The following JADE3 variants were observed in gnomAD, a reference collection of about 807,000 sequenced individuals.
JADE3 encodes protein Jade-3.
In JADE3, 2 loss-of-function variants were observed where a neutral mutation model predicts 50.1. That is an observed-to-expected ratio of 0.04 (90% CI 0.02 to 0.13). The LOEUF (loss-of-function observed/expected upper bound fraction) is 0.13. Among genes scored for constraint, JADE3 ranks in the 10% least tolerant of loss-of-function variants. The pLI is 1.00. For synonymous variants in JADE3, 218 were observed against 232.9 expected (o/e 0.94, Z 0.58); for missense variants, 475 against 634.4 (o/e 0.75, Z 2.70).
intron 1 of JADE3, among the ~76,000 whole-genome samples, chrX:46,931,772 G>A (rs1233304063): frequency 7.1e-5 from 8 of 112,128 alleles, no homozygotes; most frequent in South Asian, 7.3e-4. Context: ...TTATGCTGAA[G>A]AAATCCATTT....
chrX:46,975,813 A>T (rs782701254), intron 1 of JADE3, among the ~76,000 whole-genome samples: 1 of 87,841 alleles, frequency 1.1e-5, no homozygotes, highest in African/African-American at 4.6e-5. Flanking sequence ...TCCGCCTCCC[A>T]GGTTCAAGCG....
intron 1 of JADE3, among the ~76,000 whole-genome samples, chrX:46,940,625 C>G (rs1556342074): frequency 9.0e-6 from 1 of 110,731 alleles, no homozygotes; most frequent in African/African-American, 3.3e-5. Context: ...AAGAGGAAAG[C>G]CCAACTCTTA....
intron 1 of JADE3, among the ~76,000 whole-genome samples, chrX:46,964,356 G>A (rs782021104): frequency 8.9e-6 from 1 of 111,785 alleles, no homozygotes; most frequent in East Asian, 2.8e-4. Context: ...AATCATAAAA[G>A]GCAATCTGCC....
In JADE3 at chrX:47,054,509, T is replaced by G; in HGVS notation, c.1324T>G (p.Phe442Val). ...CTGGAAACTGAAGCGGAAAAGTAACTTCAATAAGCCATTATTTCCTCCAAA... is the reference window on the plus strand; with the variant it reads ...CTGGAAACTGAAGCGGAAAAGTAACGTCAATAAGCCATTATTTCCTCCAAA... ...NYWKLKRKSN[F>V]NKPLFPPKED... Residue 442 changes from phenylalanine to valine, a missense_variant, in exon 9 of 11, where the codon TTC (phenylalanine) becomes GTC (valine). Phe to Val is a conservative substitution (Grantham distance 50, BLOSUM62 -1). This residue lies in a region of JADE3 where 81 missense variants were observed against 123.8 expected (regional missense o/e 0.65). Coordinates refer to ENST00000614628, the MANE Select transcript of JADE3 (RefSeq NM_014735.5). 1 of 1,210,356 alleles carries G rather than the reference T, an allele frequency of 8.3e-7. No homozygotes were observed. Among genetic ancestry groups the G allele is most frequent in the South Asian group, 1.8e-5 (1 of 56,954 alleles).
intron 1 of JADE3, among the ~76,000 whole-genome samples, chrX:46,978,659 T>C (rs1927676212): frequency 9.0e-6 from 1 of 111,562 alleles, no homozygotes; most frequent in African/African-American, 3.3e-5. Context: ...GAGCCAGAAC[T>C]GGGCCTCGCA....
chrX:46,951,546 C>T (rs1316088405), intron 1 of JADE3, among the ~76,000 whole-genome samples: 23 of 98,777 alleles, frequency 2.3e-4, no homozygotes, highest in Non-Finnish European at 4.1e-4. Context: ...GAGATTGCAC[C>T]ACTGCACTCC....
intron 4 of JADE3, among the ~76,000 whole-genome samples, chrX:47,007,843 G>A (rs1348789617): frequency 2.8e-5 from 3 of 107,450 alleles, no homozygotes; most frequent in Admixed American, 1.0e-4. Context: ...GTGTGTGTGT[G>A]TGTGTGTGTG....
chrX:46,992,810 G>C (rs947775368), intron 3 of JADE3, among the ~76,000 whole-genome samples: 2 of 111,854 alleles, frequency 1.8e-5, no homozygotes, highest in African/African-American at 6.5e-5. Context: ...TAGTGTATCA[G>C]TGAGATTCTT....
At chrX:47,048,072 G>A (rs782183995) in intron 8 of JADE3, among the ~76,000 whole-genome samples, 3 of 111,371 alleles carry the variant, frequency 2.7e-5, no homozygotes, top group Non-Finnish European at 5.7e-5. Context: ...GGTGTTCAGC[G>A]ATTTTATTGA....
chrX:46,985,767 C>T lies in JADE3; in HGVS notation c.101C>T (p.Pro34Leu). ...GSMYRIKSKIPNEHKKPAEVF... is the reference protein window; with the variant it reads ...GSMYRIKSKILNEHKKPAEVF... ...ATGTATAGGATCAAGTCAAAAATTC[C>T]AAATGAACACAAGAAACCTGCTGAG... The change falls in exon 3 of 11, where the codon CCA becomes CTA. Residue 34 changes from proline (P) to leucine (L), a missense_variant. Around this residue, in one of 6 missense-constraint regions of JADE3, gnomAD observed 31 missense variants for 29.3 expected, o/e 1.06. Coordinates refer to ENST00000614628, the MANE Select transcript of JADE3 (RefSeq NM_014735.5). 2 of 1,193,085 alleles carry T rather than the reference C, an allele frequency of 1.7e-6. No individual in the cohort carries two copies. Among genetic ancestry groups the T allele is most frequent in the Non-Finnish European group, 2.3e-6 (2 of 879,164 alleles).
intron 1 of JADE3, among the ~76,000 whole-genome samples, chrX:46,979,234 C>T (rs1927688860): frequency 8.9e-6 from 1 of 112,045 alleles, no homozygotes. Flanking sequence ...CAAATTTTGC[C>T]TATTCTTTAA....
intron 1 of JADE3, among the ~76,000 whole-genome samples, chrX:46,939,495 A>T (rs1874255857): frequency 2.7e-5 from 3 of 111,829 alleles, no homozygotes; most frequent in Non-Finnish European, 5.6e-5. Context: ...TCTTTCAATG[A>T]TGTGGAAGAT....
intron 8 of JADE3, among the ~76,000 whole-genome samples, chrX:47,041,700 G>A (rs782144422): frequency 1.9e-4 from 19 of 98,986 alleles, no homozygotes; most frequent in African/African-American, 6.8e-4. Flanking sequence ...TTTTTGGTCC[G>A]AGTCTCTCCT....
chrX:46,963,466 T>G (rs1358099439), intron 1 of JADE3, among the ~76,000 whole-genome samples: 2 of 112,350 alleles, frequency 1.8e-5, no homozygotes, highest in African/African-American at 6.5e-5. Flanking sequence ...AAGCTGTGTT[T>G]CAAATTCTGT....
chrX:47,007,488 GTCT>G (rs1183050651), intron 4 of JADE3, among the ~76,000 whole-genome samples: 1 of 111,627 alleles, frequency 9.0e-6, no homozygotes, highest in Non-Finnish European at 1.9e-5. Context: ...TGATTGCTAT[GTCT>G]TCTTGATGAC....
intron 1 of JADE3, among the ~76,000 whole-genome samples, chrX:46,942,955 T>C (rs1926796943): frequency 8.9e-6 from 1 of 112,026 alleles, no homozygotes; most frequent in Non-Finnish European, 1.9e-5. Context: ...TTTATTTTTG[T>C]GTGTCTGGCT....
chrX:46,965,897 C>G (rs1927355167), intron 1 of JADE3, among the ~76,000 whole-genome samples: 2 of 111,799 alleles, frequency 1.8e-5, no homozygotes, highest in African/African-American at 6.5e-5. Context: ...ACCGTGGAGG[C>G]ACATGATCCA....
intron 7 of JADE3, among the ~76,000 whole-genome samples, chrX:47,037,287 C>T (rs1929155388): frequency 9.0e-6 from 1 of 111,403 alleles, no homozygotes; most frequent in African/African-American, 3.3e-5. Flanking sequence ...ATTCTGCAGT[C>T]TCTTCATTAC....
At chrX:47,033,844 A>T in intron 7 of JADE3, 56 bp downstream of exon 7, 8 of 991,787 alleles carry the variant, frequency 8.1e-6, no homozygotes, top group Non-Finnish European at 9.5e-6. Flanking sequence ...CCTGTTCCCC[A>T]CAGCATTCAG....
Sources: allele counts gnomAD v4.1 joint callset (sites outside exome capture counted in the v4.1 genomes callset), GRCh38; gene constraint gnomAD v4.1.1; regional missense constraint gnomAD v4.1.1; transcripts MANE v1.5; gene names NCBI Gene and HGNC (gene_info 2026-07-23, HGNC 2026-07-21).